UBR1: variants seen among roughly 807,000 people sequenced by gnomAD.
UBR1 encodes the protein ubiquitin protein ligase E3 component n-recognin 1, also known as E3 ubiquitin-protein ligase UBR1.
Under a neutral mutation model 242.1 loss-of-function variants are expected in UBR1, and 102 were observed. That is an observed-to-expected ratio of 0.42 (90% confidence interval 0.36 to 0.50). UBR1 has a LOEUF of 0.50. Ranked by LOEUF, UBR1 falls within the 20% of genes least tolerant of loss-of-function variation. The pLI is 0.01. For synonymous variants in UBR1, 675 were observed against 684.8 expected (o/e 0.99, Z 0.22); for missense variants, 1,772 against 2,101.8 (o/e 0.84, Z 3.07).
chr15:43,026,757 T>C lies in UBR1; in HGVS notation c.2433-94A>G, dbSNP rs1349482948. 3.7e-6 allele frequency: 4 copies of C among 1,073,940 alleles called. No homozygotes were observed. The African/African-American group carries it at 6.4e-5, about 17-fold the overall frequency. 66.5% of individuals were successfully genotyped at this position (1,073,940 alleles called of 1,614,324 possible). A position where few individuals can be genotyped will look rare whatever the true frequency, so the allele number is the denominator to read the frequency against. On this transcript the variant is annotated intron_variant, in intron 22 of 46. Transcript: ENST00000290650. ...CCTAAAAATTAATCTAGAAGTCAAA[T>C]ATACAGAAAAAAATTATGTCTCATT...
At chr15:43,013,453 TAGTTATAGGCAATGTCTTTC>T (rs2032956458) in intron 29 of UBR1, among the ~76,000 whole-genome samples, 1 of 152,234 alleles carries the variant, frequency 6.6e-6, no homozygotes, top group Non-Finnish European at 1.5e-5. Flanking sequence ...TCCATACCTG[TAGTTATAGGCAATGTCTTTC>T]TTCTAAGAAA....
intron 27 of UBR1, among the ~76,000 whole-genome samples, chr15:43,018,816 T>C (rs1014859769): frequency 6.6e-6 from 1 of 152,210 alleles, no homozygotes; most frequent in African/African-American, 2.4e-5. Flanking sequence ...AGCAGATACA[T>C]GTGCTTTTCA....
At chr15:42,973,691 G>A (rs1269827958) in intron 39 of UBR1, among the ~76,000 whole-genome samples, 12 of 151,964 alleles carry the variant, frequency 7.9e-5, no homozygotes, top group Admixed American at 7.9e-4. Flanking sequence ...AGTACTTTTT[G>A]CAATACTTTT....
Position 43,047,155 on chromosome 15 carries a change from A to T in UBR1, c.1668+6T>A, listed in dbSNP as rs1296066604. 6.2e-7 allele frequency: 1 copy of T among 1,614,110 alleles called. No homozygotes were observed. Among genetic ancestry groups the T allele is most frequent in the Admixed American group, 1.7e-5 (1 of 60,030 alleles). ...GGCACTGATCCTACTAACAAATTTT[A>T]CTTACATCACAAGCACACCACTCTT... On this transcript the variant is annotated splice_donor_region_variant and intron_variant, in intron 14 of 46. Coordinates refer to ENST00000290650, the MANE Select transcript of UBR1 (RefSeq NM_174916.3).
At chr15:43,092,003 T>G in intron 1 of UBR1, 1 of 453,586 alleles carries the variant, frequency 2.2e-6, no homozygotes, top group South Asian at 1.6e-5. Context: ...GGAGAATTGC[T>G]TGAGTCAGAG....
At chr15:43,026,708 T>C (rs367779250) in intron 22 of UBR1, 45 bp from the exon 23 acceptor site, 1 of 1,491,560 alleles carries the variant, frequency 6.7e-7, no homozygotes, top group Non-Finnish European at 9.3e-7. Context: ...GTTCTTGAAG[T>C]ATAAAATATA....
In UBR1 at chr15:42,998,191, C is replaced by T. The variant is rs1392640703; in HGVS notation, c.3734G>A (p.Gly1245Asp). Residue 1245 changes from glycine (G) to aspartate (D), a missense_variant, in exon 33 of 47, where the codon GGT (glycine) becomes GAT (aspartate). Physicochemically the swap from Gly to Asp is moderately conservative, Grantham distance 94. Coordinates refer to ENST00000290650, the MANE Select transcript of UBR1 (RefSeq NM_174916.3). Reference sequence around the variant, plus strand: ...ACCTTTAGCATGTCTTATATTATAACCTGATATTCTGGCCAGAACAGTCTG... The same window carrying T: ...ACCTTTAGCATGTCTTATATTATAATCTGATATTCTGGCCAGAACAGTCTG... ...WIQTVLARIS[G>D]YNIRHAKGEN... 3 of 1,613,710 alleles carry T rather than the reference C, an allele frequency of 1.9e-6. No homozygotes were observed. The highest frequency in any genetic ancestry group is 2.5e-6 in the Non-Finnish European group (3 of 1,179,892).
At chr15:43,054,640 A>G (rs573338353) in intron 12 of UBR1, 102 bp downstream of exon 12, 1 of 1,311,494 alleles carries the variant, frequency 7.6e-7, no homozygotes, top group South Asian at 1.2e-5. Flanking sequence ...TTATAAAGAG[A>G]ATTCTGGATA....
chr15:42,976,946 G>A, intron 38 of UBR1, 79 bp from the exon 39 acceptor site: 1 of 1,453,878 alleles, frequency 6.9e-7, no homozygotes, highest in Non-Finnish European at 9.5e-7. Flanking sequence ...AATGTGAAGG[G>A]CAGCAGATGC....
intron 12 of UBR1, among the ~76,000 whole-genome samples, chr15:43,054,053 TA>T (rs1458737181): frequency 6.6e-6 from 1 of 151,852 alleles, no homozygotes. Flanking sequence ...AAAAAGGAGT[TA>T]AAAAAATGTT....
At chr15:43,088,572 T>C (rs560601417) in intron 1 of UBR1, among the ~76,000 whole-genome samples, 94 of 152,152 alleles carry the variant, frequency 6.2e-4, no homozygotes, top group African/African-American at 2.2e-3. Flanking sequence ...CTCAGCTTAC[T>C]GTAACCTCTA....
chr15:43,022,846 G>C, intron 25 of UBR1, 45 bp from the exon 26 acceptor site: 2 of 1,213,332 alleles, frequency 1.6e-6, no homozygotes, highest in Non-Finnish European at 2.4e-6. Context: ...GCTTCTTCAG[G>C]TAAATATATT....
chr15:43,056,009 G>A (rs1002964160), intron 11 of UBR1, among the ~76,000 whole-genome samples: 2 of 152,126 alleles, frequency 1.3e-5, no homozygotes, highest in Non-Finnish European at 1.5e-5. Context: ...TCTCCCAAAT[G>A]CTTGACAGGC....
intron 35 of UBR1, chr15:42,988,350 A>G (rs1260592058): frequency 1.1e-5 from 2 of 188,534 alleles, no homozygotes; most frequent in Non-Finnish European, 1.1e-5. Flanking sequence ...GCTGGAGTGC[A>G]GTGGTGCAAC....
chr15:43,012,616 CCTT>C (rs1426103787), intron 29 of UBR1, among the ~76,000 whole-genome samples: 3 of 152,264 alleles, frequency 2.0e-5, no homozygotes, highest in South Asian at 4.1e-4. Context: ...TTTGCTTACA[CCTT>C]CTTATTTTAT....
rs1169717202 is a variant in UBR1 at position 43,002,672 on chromosome 15, T to C, written c.3542A>G (p.Gln1181Arg). Residue 1181 changes from glutamine (Q) to arginine (R), a missense_variant, in exon 32 of 47, where the codon CAG (glutamine) becomes CGG (arginine). Around this residue, in one of 3 missense-constraint regions of UBR1, gnomAD observed 965 missense variants for 1,079.7 expected, o/e 0.89. Transcript: ENST00000290650. ...YFEAVQLSSQ[Q>R]RIHVDLFDLE... Reference sequence around the variant, plus strand: ...GTCAAAAAGGTCAACATGAATGCGCTGCTGAGAGCTCAGCTGTACAGCTTC... The same window carrying C: ...GTCAAAAAGGTCAACATGAATGCGCCGCTGAGAGCTCAGCTGTACAGCTTC... 1 of 1,614,066 alleles carries C rather than the reference T, an allele frequency of 6.2e-7. No individual in the cohort carries two copies. Among genetic ancestry groups the C allele is most frequent in the African/African-American group, 1.3e-5 (1 of 74,944 alleles).
At chr15:42,950,181 C>A in intron 46 of UBR1, 81 bp downstream of exon 46, 2 of 1,274,074 alleles carry the variant, frequency 1.6e-6, no homozygotes, top group South Asian at 2.4e-5. Flanking sequence ...CGTTTACATA[C>A]AATAATGTGA....
In UBR1 at chr15:42,955,582, A is replaced by G. The variant is rs931208297; in HGVS notation, c.4835+2431T>C. On this transcript the variant is annotated intron_variant, in intron 44 of 46. Transcript: ENST00000290650. ...CATTATCAATGTGGTTTGCTATGGG[A>G]GGTGATATGATGCCTCCTGAGTATC... Among the ~76,000 whole-genome samples, 30 of 152,300 alleles carry G rather than the reference A, an allele frequency of 2.0e-4. No homozygotes were observed. The East Asian group carries it at 4.6e-3, about 24-fold the overall frequency.
At chr15:43,092,119 G>A in intron 1 of UBR1, 1 of 408,396 alleles carries the variant, frequency 2.4e-6, no homozygotes, top group Non-Finnish European at 5.0e-6. Context: ...GGCTGATTTA[G>A]GCAGAATGTC....
Sources: allele counts gnomAD v4.1 joint callset (sites outside exome capture counted in the v4.1 genomes callset), GRCh38; gene constraint gnomAD v4.1.1; regional missense constraint gnomAD v4.1.1; transcripts MANE v1.5; gene names NCBI Gene and HGNC (gene_info 2026-07-23, HGNC 2026-07-21).